IL2RA: variants seen among roughly 807,000 people sequenced by gnomAD.
The protein encoded by IL2RA is interleukin 2 receptor subunit alpha, also known as interleukin-2 receptor subunit alpha.
In IL2RA, 24 loss-of-function variants were observed where a neutral mutation model predicts 37.8. The ratio of observed to expected loss-of-function variants is 0.63; its 90% CI spans 0.46 to 0.89. The LOEUF (loss-of-function observed/expected upper bound fraction) is 0.89, where lower values mean the gene tolerates loss of function less well. Ranked by LOEUF, IL2RA falls within the 40% of genes least tolerant of loss-of-function variation. IL2RA has a pLI of 0.00. For missense variants in IL2RA, 319 were observed against 348.6 expected, an observed-to-expected ratio of 0.92 and a Z score of 0.68; for synonymous variants, 125 against 114.6, an observed-to-expected ratio of 1.09 and a Z score of -0.58.
Position 6,021,626 on chromosome 10 carries a change from C to T in IL2RA, c.435G>A (p.Gly145=), listed in dbSNP as rs1198031450. 6.2e-7 allele frequency: 1 copy of T among 1,614,118 alleles called. No homozygotes were observed. Among genetic ancestry groups the T allele is most frequent in the South Asian group, 1.1e-5 (1 of 91,068 alleles). ...ATERIYHFVV[G]QMVYYQCVQG... is the part of the protein sequence containing the mutation. ...GGACGCACTGATAATAAACCATCTGCCCCACCACGAAATGATAAATTCTCT... is the reference window on the plus strand; with the variant it reads ...GGACGCACTGATAATAAACCATCTGTCCCACCACGAAATGATAAATTCTCT... The change falls in exon 4 of 8, where the codon GGG becomes GGA. Residue 145 remains glycine, a synonymous_variant. Coordinates refer to ENST00000379959, the MANE Select transcript of IL2RA (RefSeq NM_000417.3). This position sits in a 1 kb window ranked among gnomAD's most constrained non-coding sequence, Gnocchi z 4.9.
chr10:6,052,920 G>C (rs1839988150), intron 1 of IL2RA, among the ~76,000 whole-genome samples: 1 of 152,126 alleles, frequency 6.6e-6, no homozygotes. Flanking sequence ...TAGAAGGAAG[G>C]CTGCAGGGAA....
chr10:6,032,706 A>T (rs949111430), intron 1 of IL2RA, among the ~76,000 whole-genome samples: 1 of 142,410 alleles, frequency 7.0e-6, no homozygotes, highest in African/African-American at 2.6e-5. Context: ...AAAAAAAAAA[A>T]GAAAAAAATG....
In IL2RA at chr10:6,021,780, T is replaced by C; in HGVS notation, c.368-87A>G. 2 of 981,322 alleles carry C rather than the reference T, an allele frequency of 2.0e-6. No homozygotes were observed. The highest frequency in any genetic ancestry group is 3.2e-6 in the Non-Finnish European group (2 of 615,970). 60.8% of individuals were successfully genotyped at this position (981,322 alleles called of 1,614,324 possible). A position where few individuals can be genotyped will look rare whatever the true frequency, so the allele number is the denominator to read the frequency against. On this transcript the variant is annotated intron_variant, in intron 3 of 7. Coordinates refer to ENST00000379959, the MANE Select transcript of IL2RA (RefSeq NM_000417.3). The surrounding 1 kb of genome is among the most constrained non-coding windows in gnomAD (Gnocchi z 4.9). ...TTGCCTCTTGCTAGGGACTGGACCTTGGTTCTTACTCTCTTGACTGCTTGC... is the reference window on the plus strand; with the variant it reads ...TTGCCTCTTGCTAGGGACTGGACCTCGGTTCTTACTCTCTTGACTGCTTGC...
intron 1 of IL2RA, among the ~76,000 whole-genome samples, chr10:6,053,069 G>A (rs1839990307): frequency 6.6e-6 from 1 of 152,204 alleles, no homozygotes; most frequent in South Asian, 2.1e-4. Flanking sequence ...TGGGGCTGAA[G>A]GAGCAGTGGG....
rs774599486 is a variant in IL2RA at position 6,019,947 on chromosome 10, G to GGA, written c.584-8_584-7dup. On this transcript the variant is annotated splice_polypyrimidine_tract_variant and splice_region_variant and intron_variant, in intron 4 of 7. Coordinates refer to ENST00000379959, the MANE Select transcript of IL2RA (RefSeq NM_000417.3). ...TGCCTGAGGCTTCTCTTCACCTGGG[G>GGA]GAGAGAGTAAGTGATGCTGGTGGAG... is the stretch of plus-strand genomic sequence containing the variant. The GGA allele has an allele frequency of 3.7e-6, 6 of 1,613,160 alleles. No individual in the cohort carries two copies. The African/African-American group carries it at 4.0e-5, about 11-fold the overall frequency.
rs12722534 is a variant in IL2RA, at chr10:6,033,248, G to A, written c.65-7223C>T. ...AGAGGTTGCAGTGAGCTGAGATCACGCCACTGCCCTCCAGCCTGGGCAACA... is the reference window on the plus strand; with the variant it reads ...AGAGGTTGCAGTGAGCTGAGATCACACCACTGCCCTCCAGCCTGGGCAACA... On this transcript the variant is annotated intron_variant, in intron 1 of 7. Coordinates refer to ENST00000379959, the MANE Select transcript of IL2RA (RefSeq NM_000417.3). This position sits in a 1 kb window ranked among gnomAD's most constrained non-coding sequence, Gnocchi z 4.3. Among the ~76,000 whole-genome samples, 5,730 of 151,970 alleles carry A rather than the reference G, an allele frequency of 0.038. 128 individuals carry two copies. The highest frequency in any genetic ancestry group is 0.14 in the Middle Eastern group (40 of 292).
Position 6,021,729 on chromosome 10 carries a change from G to C in IL2RA, c.368-36C>G. 6.3e-7 allele frequency: 1 copy of C among 1,584,706 alleles called. No homozygotes were observed. The highest frequency in any genetic ancestry group is 1.3e-5 in the African/African-American group (1 of 74,532). On this transcript the variant is annotated intron_variant, in intron 3 of 7. Coordinates refer to ENST00000379959, the MANE Select transcript of IL2RA (RefSeq NM_000417.3). The surrounding 1 kb of genome is among the most constrained non-coding windows in gnomAD (Gnocchi z 4.9). ...GAAGGAATGCTCTGAAGGCAAGTTG[G>C]GGACAGCACCGCGAGTGAGTCCAGG... is the stretch of plus-strand genomic sequence containing the variant.
At chr10:6,039,973 G>A (rs755304930) in intron 1 of IL2RA, among the ~76,000 whole-genome samples, 5 of 152,188 alleles carry the variant, frequency 3.3e-5, no homozygotes, top group Non-Finnish European at 5.9e-5. Flanking sequence ...GGTTAGGCAC[G>A]TCAGGCCATT....
chr10:6,027,947 T>A (rs1470848141), intron 1 of IL2RA, among the ~76,000 whole-genome samples: 1 of 152,204 alleles, frequency 6.6e-6, no homozygotes, highest in Non-Finnish European at 1.5e-5. Context: ...GACTTCTGCT[T>A]CCAGCCATCA....
At position 6,057,422 on chromosome 10, in the gene IL2RA, A is replaced by G. The variant is rs935190763; in HGVS notation, c.64+4666T>C. On this transcript the variant is annotated intron_variant, in intron 1 of 7. Coordinates refer to ENST00000379959, the MANE Select transcript of IL2RA (RefSeq NM_000417.3). The surrounding 1 kb of genome is among the most constrained non-coding windows in gnomAD (Gnocchi z 4.8). ...ATGTCTTCATTTGGGAAACTTTTTC[A>G]TCCCAAAGTTCCCCAGCTTGAAAAT... Among the ~76,000 whole-genome samples, 1 of 152,174 alleles carries G rather than the reference A, an allele frequency of 6.6e-6. No homozygotes were observed. Among genetic ancestry groups the G allele is most frequent in the African/African-American group, 2.4e-5 (1 of 41,432 alleles).
At chr10:6,051,817 C>CTATATATATATATATACATATATA (rs1839964560) in intron 1 of IL2RA, among the ~76,000 whole-genome samples, 1 of 33,664 alleles carries the variant, frequency 3.0e-5, no homozygotes, top group Non-Finnish European at 6.9e-5. Context: ...TCATGCCCAG[C>CTATATATATATATATACATATATA]TATATATATA....
At chr10:6,019,748 G>A (rs936195586) in intron 5 of IL2RA, 122 bp downstream of exon 5, 89 of 946,052 alleles carry the variant, frequency 9.4e-5, no homozygotes, top group Non-Finnish European at 1.5e-4. Flanking sequence ...CAGAGGGAGA[G>A]GAGGCTGCTG....
intron 1 of IL2RA, among the ~76,000 whole-genome samples, chr10:6,032,566 G>C (rs191818413): frequency 1.3e-5 from 2 of 152,014 alleles, no homozygotes; most frequent in African/African-American, 2.4e-5. Flanking sequence ...GGTGGTGTGC[G>C]CCTGTAGTCC....
intron 1 of IL2RA, among the ~76,000 whole-genome samples, chr10:6,051,733 G>A (rs112378888): frequency 0.02 from 2,867 of 140,366 alleles, 122 homozygotes; most frequent in African/African-American, 0.072. Context: ...TTGGTCAGCT[G>A]TTCTCGAACT....
chr10:6,035,837 C>T lies in IL2RA; in HGVS notation c.65-9812G>A, dbSNP rs772040982. 3 of 152,256 alleles carry T rather than the reference C, an allele frequency of 2.0e-5. No individual in the cohort carries two copies. Among genetic ancestry groups the T allele is most frequent in the Non-Finnish European group, 4.4e-5 (3 of 68,078 alleles). The allele number at this position is 152,256 out of a possible 1,614,324, so 9.4% of individuals were successfully genotyped here. A position where few individuals can be genotyped will look rare whatever the true frequency, so the allele number is the denominator to read the frequency against. On this transcript the variant is annotated intron_variant, in intron 1 of 7. Coordinates refer to ENST00000379959, the MANE Select transcript of IL2RA (RefSeq NM_000417.3). The surrounding 1 kb of genome is among the most constrained non-coding windows in gnomAD (Gnocchi z 5.4). ...TGGATGCTCATTAGACAGACATGGG[C>T]AGAATCCCACTTGTTCCTCGTCCTT...
chr10:6,046,574 C>T lies in IL2RA; in HGVS notation c.64+15514G>A, dbSNP rs1242194518. Among the ~76,000 whole-genome samples the T allele has an allele frequency of 6.6e-6, 1 of 152,180 alleles. No individual in the cohort carries two copies. Among genetic ancestry groups the T allele is most frequent in the East Asian group, 1.9e-4 (1 of 5,198 alleles). ...GTTCTCAGACACATAAATGCAACCT[C>T]AAGGCTTTTGCTGAGTTTAGTCTTT... On this transcript the variant is annotated intron_variant, in intron 1 of 7. Coordinates refer to ENST00000379959, the MANE Select transcript of IL2RA (RefSeq NM_000417.3). The surrounding 1 kb of genome is among the most constrained non-coding windows in gnomAD (Gnocchi z 4.8).
rs1372296256 is a variant in IL2RA, at chr10:6,033,754, G to A, written c.65-7729C>T. Among the ~76,000 whole-genome samples, 4 of 152,218 alleles carry A rather than the reference G, an allele frequency of 2.6e-5. No homozygotes were observed. Among genetic ancestry groups the A allele is most frequent in the African/African-American group, 9.6e-5 (4 of 41,454 alleles). On this transcript the variant is annotated intron_variant, in intron 1 of 7. Transcript: ENST00000379959. The surrounding 1 kb of genome is among the most constrained non-coding windows in gnomAD (Gnocchi z 4.3). ...CAAAAAGACAAAAGTTATATCCAGA[G>A]ATAGAAAGCAGACAGTGGTTTCTTG...
At chr10:6,053,394 G>C (rs1839993975) in intron 1 of IL2RA, among the ~76,000 whole-genome samples, 1 of 152,192 alleles carries the variant, frequency 6.6e-6, no homozygotes, top group Non-Finnish European at 1.5e-5. Flanking sequence ...ATAGCATTTA[G>C]GCAATGGATA....
chr10:6,057,320 C>A lies in IL2RA; in HGVS notation c.64+4768G>T, dbSNP rs1169382929. 1.3e-5 allele frequency among the ~76,000 whole-genome samples: 2 copies of A among 152,158 alleles called. No individual in the cohort carries two copies. The highest frequency in any genetic ancestry group is 2.9e-5 in the Non-Finnish European group (2 of 68,020). The stretch of plus-strand genomic sequence containing the variant: ...GCTGCCAGGCAGTACTTCTTCAGAG[C>A]TGGAAATAACCCACAATGAGACATC... On this transcript the variant is annotated intron_variant, in intron 1 of 7. Coordinates refer to ENST00000379959, the MANE Select transcript of IL2RA (RefSeq NM_000417.3). The surrounding 1 kb of genome is among the most constrained non-coding windows in gnomAD (Gnocchi z 4.8).
Sources: allele counts gnomAD v4.1 joint callset (sites outside exome capture counted in the v4.1 genomes callset), GRCh38; gene constraint gnomAD v4.1.1; non-coding constraint Gnocchi (gnomAD v3.1); transcripts MANE v1.5; gene names NCBI Gene and HGNC (gene_info 2026-07-23, HGNC 2026-07-21).